The following AHCYL2 variants were observed in gnomAD, a reference collection of about 807,000 sequenced individuals.
AHCYL2 encodes the protein S-adenosylhomocysteine hydrolase-like protein 2.
Under a neutral mutation model 81.4 loss-of-function variants are expected in AHCYL2, and 28 were observed. That is an observed-to-expected ratio of 0.34 (90% confidence interval 0.25 to 0.47). The LOEUF (loss-of-function observed/expected upper bound fraction) is 0.47. Among genes scored for constraint, AHCYL2 ranks in the 20% least tolerant of loss-of-function variants. AHCYL2 has a pLI of 1.00. For synonymous variants in AHCYL2, 272 were observed against 290.2 expected (o/e 0.94, Z 0.64); for missense variants, 551 against 785.1 (o/e 0.70, Z 3.56).
At chr7:129,378,462 A>G (rs1794796350) in intron 1 of AHCYL2, among the ~76,000 whole-genome samples, 1 of 152,186 alleles carries the variant, frequency 6.6e-6, no homozygotes, top group Admixed American at 6.5e-5. Context: ...ATTTCCTGCT[A>G]TGTTTCAATT....
In AHCYL2 at chr7:129,282,437, T is replaced by C. The variant is rs1417633903; in HGVS notation, c.363+56998T>C. Among the ~76,000 whole-genome samples the C allele has an allele frequency of 2.0e-5, 3 of 152,278 alleles. No homozygotes were observed. The East Asian group carries it at 5.8e-4, about 29-fold the overall frequency. ...TTCCACTCTGGTTTACTTTGGGTAG[T>C]TTTTATTATGTGTCTTCTAGTTCAC... On this transcript the variant is annotated intron_variant, in intron 1 of 16. Transcript: ENST00000325006.
chr7:129,258,039 T>G (rs1795483832), intron 1 of AHCYL2, among the ~76,000 whole-genome samples: 1 of 152,170 alleles, frequency 6.6e-6, no homozygotes, highest in Non-Finnish European at 1.5e-5. Context: ...ATGTAAAACT[T>G]CATTTCTGTA....
chr7:129,361,792 AT>A (rs144351453), intron 1 of AHCYL2, among the ~76,000 whole-genome samples: 33,631 of 146,176 alleles, frequency 0.23, 4,532 homozygotes, highest in Non-Finnish European at 0.31. Context: ...TGTCTGGCTA[AT>A]TTTTTTTTTT....
At chr7:129,249,761 TG>T (rs1248317050) in intron 1 of AHCYL2, among the ~76,000 whole-genome samples, 3 of 152,214 alleles carry the variant, frequency 2.0e-5, no homozygotes. Flanking sequence ...CCCCAGCCCT[TG>T]GAAACCTCTA....
At chr7:129,253,217 A>G (rs1445512850) in intron 1 of AHCYL2, among the ~76,000 whole-genome samples, 4 of 152,052 alleles carry the variant, frequency 2.6e-5, no homozygotes, top group Non-Finnish European at 5.9e-5. Context: ...AAAAAAAAAA[A>G]GAAGGCAAAG....
At chr7:129,399,724 C>CTTT (rs778217871) in intron 5 of AHCYL2, among the ~76,000 whole-genome samples, 17 of 122,358 alleles carry the variant, frequency 1.4e-4, no homozygotes, top group African/African-American at 2.2e-4. Context: ...CCTTTAGTCA[C>CTTT]TTTTTTTTTT....
At chr7:129,400,432 G>T in intron 6 of AHCYL2, 48 bp downstream of exon 6, 1 of 1,565,520 alleles carries the variant, frequency 6.4e-7, no homozygotes, top group Non-Finnish European at 8.8e-7. Context: ...CAGGAATGGG[G>T]ATGGGTGGAG....
chr7:129,360,684 A>G (rs1224690388), intron 1 of AHCYL2, among the ~76,000 whole-genome samples: 1 of 152,138 alleles, frequency 6.6e-6, no homozygotes, highest in Non-Finnish European at 1.5e-5. Context: ...AATTACAGCT[A>G]ATCTATAAAT....
chr7:129,403,520 A>T, intron 7 of AHCYL2, 35 bp downstream of exon 7: 1 of 1,428,268 alleles, frequency 7.0e-7, no homozygotes, highest in South Asian at 1.3e-5. Flanking sequence ...GGTTTTATGC[A>T]GTCTAGACAT....
chr7:129,409,528 A>G lies in AHCYL2; in HGVS notation c.1348A>G (p.Ile450Val), dbSNP rs1249908008. ...KLNEVIRQVDIVITCTGNKNV... is the reference protein window; with the variant it reads ...KLNEVIRQVDVVITCTGNKNV... ...AAATGAGGTCATCCGACAAGTGGAC[A>G]TTGTTATTACCTGTACAGGTATGAT... Residue 450 changes from isoleucine (I) to valine (V), a missense_variant, in exon 11 of 17, where the codon ATT becomes GTT. Transcript: ENST00000325006. 1.2e-6 allele frequency: 2 copies of G among 1,613,660 alleles called. No homozygotes were observed. The highest frequency in any genetic ancestry group is 1.7e-4 in the Middle Eastern group (1 of 6,060).
chr7:129,285,820 C>T (rs1209277284), intron 1 of AHCYL2, among the ~76,000 whole-genome samples: 2 of 151,888 alleles, frequency 1.3e-5, no homozygotes, highest in South Asian at 2.1e-4. Flanking sequence ...AAGCAATCCT[C>T]CCACCTTGGT....
intron 1 of AHCYL2, among the ~76,000 whole-genome samples, chr7:129,248,299 C>T (rs1795128929): frequency 6.6e-6 from 1 of 152,112 alleles, no homozygotes; most frequent in East Asian, 1.9e-4. Flanking sequence ...TTCCAGGACC[C>T]TCATGGATAT....
At chr7:129,421,854 A>G (rs1421152906) in intron 12 of AHCYL2, among the ~76,000 whole-genome samples, 1 of 152,270 alleles carries the variant, frequency 6.6e-6, no homozygotes, top group Non-Finnish European at 1.5e-5. Flanking sequence ...CAGTAAAGGA[A>G]TCCACAGTCT....
intron 1 of AHCYL2, among the ~76,000 whole-genome samples, chr7:129,349,806 C>T (rs1244144936): frequency 6.6e-6 from 1 of 152,182 alleles, no homozygotes; most frequent in Admixed American, 6.5e-5. Flanking sequence ...AAACCTCTCC[C>T]ATCTCAAGGT....
At chr7:129,240,107 C>T (rs1316996117) in intron 1 of AHCYL2, among the ~76,000 whole-genome samples, 2 of 151,938 alleles carry the variant, frequency 1.3e-5, no homozygotes, top group East Asian at 1.9e-4. Flanking sequence ...CCCAGCTACT[C>T]GGGAGGCTGA....
At chr7:129,397,425 C>T in intron 5 of AHCYL2, 101 bp downstream of exon 5, 1 of 1,176,766 alleles carries the variant, frequency 8.5e-7, no homozygotes, top group Non-Finnish European at 1.2e-6. Context: ...AATAAAAGAA[C>T]TATCTTGGAA....
intron 1 of AHCYL2, among the ~76,000 whole-genome samples, chr7:129,267,230 G>GGTGTGTGTGTGTGTGT (rs769745702): frequency 1.7e-4 from 10 of 59,214 alleles, no homozygotes; most frequent in Non-Finnish European, 3.4e-4. Context: ...TCACTCAAGG[G>GGTGTGTGTGTGTGTGT]GTGTGTGTGT....
At chr7:129,354,111 A>G (rs760050763) in intron 1 of AHCYL2, among the ~76,000 whole-genome samples, 6 of 152,154 alleles carry the variant, frequency 3.9e-5, no homozygotes, top group Non-Finnish European at 8.8e-5. Flanking sequence ...GAAGGTGAAG[A>G]GTTGTGGATA....
At chr7:129,361,010 T>C (rs1793914327) in intron 1 of AHCYL2, among the ~76,000 whole-genome samples, 2 of 152,236 alleles carry the variant, frequency 1.3e-5, no homozygotes, top group African/African-American at 2.4e-5. Flanking sequence ...CCCAGCCATA[T>C]TGTCATCATC....
Sources: allele counts gnomAD v4.1 joint callset (sites outside exome capture counted in the v4.1 genomes callset), GRCh38; gene constraint gnomAD v4.1.1; transcripts MANE v1.5; gene names NCBI Gene and HGNC (gene_info 2026-07-23, HGNC 2026-07-21).